USH2A: variants seen among roughly 807,000 people sequenced by gnomAD.
USH2A encodes the protein usherin, also known as Usher syndrome 2A (autosomal recessive, mild).
In USH2A, 443 loss-of-function variants were observed where a neutral mutation model predicts 538.9. The observed-to-expected ratio is 0.82, with a 90% CI of 0.76 to 0.89. USH2A has a LOEUF of 0.89. Ranked by LOEUF, USH2A falls within the 40% of genes least tolerant of loss-of-function variation. The probability of loss-of-function intolerance (pLI) is 0.00; values close to 1 mark genes in which losing one functional copy is unlikely to be tolerated. For synonymous variants in USH2A, 2,413 were observed against 2,273.5 expected (o/e 1.06, Z -1.75); for missense variants, 6,633 against 6,324.8 (o/e 1.05, Z -1.65).
At chr1:215,871,411 T>C (rs1055621892) in intron 43 of USH2A, among the ~76,000 whole-genome samples, 1 of 152,234 alleles carries the variant, frequency 6.6e-6, no homozygotes, top group African/African-American at 2.4e-5. Flanking sequence ...TTCATAGTTA[T>C]TTAAGCACTC....
intron 21 of USH2A, chr1:216,173,931 C>T (rs1306911557): frequency 7.2e-6 from 7 of 967,810 alleles, no homozygotes; most frequent in African/African-American, 1.8e-5. Flanking sequence ...TTTTCCTTAC[C>T]TTTTTTTTCT....
At chr1:215,724,838 A>G (rs1659764703) in intron 61 of USH2A, among the ~76,000 whole-genome samples, 1 of 152,152 alleles carries the variant, frequency 6.6e-6, no homozygotes, top group Non-Finnish European at 1.5e-5. Flanking sequence ...ATAGTACTCA[A>G]TGGTTATTTG....
rs146892520 is a variant in USH2A at position 215,628,839 on chromosome 1, G to C, written c.15494C>G (p.Ala5165Gly). The C allele has an allele frequency of 1.7e-4, 276 of 1,614,152 alleles. 2 individuals carry two copies. In the African/African-American group the frequency reaches 3.4e-3, roughly 20 times the overall value. ...KVLMDNSLWE[A>G]IMGHNSGLYV... ...CAGTCCACTGTTGTGGCCCATGATG[G>C]CTTCCCACAGTGAGTTGTCCATCAA... Residue 5165 changes from alanine (A) to glycine (G), a missense_variant, in exon 71 of 72, where the codon GCC becomes GGC. Ala to Gly is a moderately conservative substitution (Grantham distance 60). Coordinates refer to ENST00000307340, the MANE Select transcript of USH2A (RefSeq NM_206933.4).
chr1:215,789,947 G>A, intron 51 of USH2A, 112 bp downstream of exon 51: 2 of 984,584 alleles, frequency 2.0e-6, no homozygotes, highest in East Asian at 2.6e-5. Context: ...ATGTGAAAAT[G>A]AATAATGCAC....
intron 70 of USH2A, among the ~76,000 whole-genome samples, chr1:215,634,249 G>GATATAT (rs973777439): frequency 6.6e-6 from 1 of 152,224 alleles, no homozygotes; most frequent in Non-Finnish European, 1.5e-5. Context: ...TCCAGGCAGT[G>GATATAT]ATATTTTTTA....
intron 8 of USH2A, among the ~76,000 whole-genome samples, chr1:216,322,792 CT>C (rs1170319705): frequency 6.6e-6 from 1 of 151,864 alleles, no homozygotes; most frequent in Non-Finnish European, 1.5e-5. Flanking sequence ...TTTTGGTCTG[CT>C]TTTAAAGACA....
At chr1:216,346,047 C>T (rs1420360144) in intron 4 of USH2A, among the ~76,000 whole-genome samples, 1 of 152,022 alleles carries the variant, frequency 6.6e-6, no homozygotes, top group Non-Finnish European at 1.5e-5. Flanking sequence ...GGAATGAGTC[C>T]TTTCTGGTTT....
chr1:216,241,350 C>G (rs975833357), intron 13 of USH2A, among the ~76,000 whole-genome samples: 1 of 152,106 alleles, frequency 6.6e-6, no homozygotes, highest in Non-Finnish European at 1.5e-5. Context: ...TAAGGCAGGG[C>G]TCTTTACATT....
intron 32 of USH2A, among the ~76,000 whole-genome samples, chr1:216,032,989 A>G (rs1196421533): frequency 1.3e-5 from 2 of 152,162 alleles, no homozygotes; most frequent in Non-Finnish European, 2.9e-5. Flanking sequence ...TGATTTACAG[A>G]ACTTTGAGTT....
chr1:215,911,686 C>A (rs1665788260), intron 38 of USH2A, among the ~76,000 whole-genome samples: 1 of 152,008 alleles, frequency 6.6e-6, no homozygotes, highest in African/African-American at 2.4e-5. Flanking sequence ...GAAGATATTT[C>A]TTCAACATAC....
intron 6 of USH2A, among the ~76,000 whole-genome samples, chr1:216,324,563 TA>T (rs2037691821): frequency 3.9e-5 from 6 of 152,188 alleles, no homozygotes; most frequent in Admixed American, 3.9e-4. Flanking sequence ...TCAAGGATTT[TA>T]TAAATCAACA....
chr1:215,674,433 C>T lies in USH2A; in HGVS notation c.13478G>A (p.Arg4493His), dbSNP rs138879998. ...TGGGGTGAGAGTAAAATCACGATAG[C>T]GTGTTTCCAAGCCTGTATATACAAT... ...GTIVYTGLET[R>H]YRDFTLTPGV... The change falls in exon 63 of 72, where the codon CGC (arginine) becomes CAC (histidine). Residue 4493 changes from arginine to histidine, a missense_variant. Physicochemically the swap from Arg to His is conservative, Grantham distance 29. Coordinates refer to ENST00000307340, the MANE Select transcript of USH2A (RefSeq NM_206933.4). 632 of 1,614,112 alleles carry T rather than the reference C, an allele frequency of 3.9e-4. 5 individuals are homozygous for T. In the East Asian group the frequency reaches 0.012, roughly 30 times the overall value.
At position 216,198,515 on chromosome 1, in the gene USH2A, C is replaced by T; in HGVS notation, c.3881G>A (p.Ser1294Asn). The change falls in exon 18 of 72, where the codon AGT (serine) becomes AAT (asparagine). Residue 1294 changes from serine to asparagine, a missense_variant. Coordinates refer to ENST00000307340, the MANE Select transcript of USH2A (RefSeq NM_206933.4). ...RSTKETTSEE[S>N]RVFQSSGWLS... is the part of the protein sequence containing the mutation. Reference sequence around the variant, plus strand: ...CCAACCACTGCTCTGAAAAACTCGACTTTCCTCAGATGTGGTTTCTTTAGT... The same window carrying T: ...CCAACCACTGCTCTGAAAAACTCGATTTTCCTCAGATGTGGTTTCTTTAGT... The T allele has an allele frequency of 6.2e-7, 1 of 1,613,984 alleles. No homozygotes were observed.
chr1:215,936,775 G>A (rs1365593872), intron 37 of USH2A, among the ~76,000 whole-genome samples: 9 of 151,912 alleles, frequency 5.9e-5, no homozygotes, highest in Non-Finnish European at 1.0e-4. Context: ...AAAATTCTAA[G>A]GTTTTTCAAT....
chr1:216,103,212 T>C (rs2032636156), intron 21 of USH2A, among the ~76,000 whole-genome samples: 1 of 152,220 alleles, frequency 6.6e-6, no homozygotes, highest in Non-Finnish European at 1.5e-5. Flanking sequence ...GGCCCAGTAG[T>C]GTTCTATTTT....
At chr1:216,224,245 A>C (rs991887564) in intron 14 of USH2A, among the ~76,000 whole-genome samples, 1 of 152,196 alleles carries the variant, frequency 6.6e-6, no homozygotes. Context: ...GAGTAGTCAT[A>C]GTCACAGGTC....
intron 3 of USH2A, among the ~76,000 whole-genome samples, chr1:216,366,220 T>A (rs2038592995): frequency 6.6e-6 from 1 of 152,100 alleles, no homozygotes; most frequent in Non-Finnish European, 1.5e-5. Context: ...GAGTGAGATT[T>A]AAGGTCATGC....
At chr1:216,218,990 ATGTGTG>A (rs34454018) in intron 14 of USH2A, among the ~76,000 whole-genome samples, 113 of 150,634 alleles carry the variant, frequency 7.5e-4, no homozygotes, top group African/African-American at 2.6e-3. Flanking sequence ...CTCTCAATGT[ATGTGTG>A]TGTGTGTGTG....
chr1:216,396,496 G>T (rs1000167757), intron 3 of USH2A, among the ~76,000 whole-genome samples: 6 of 152,114 alleles, frequency 3.9e-5, no homozygotes, highest in African/African-American at 1.4e-4. Flanking sequence ...CATAATTAAA[G>T]ATGTTAATTA....
Sources: gnomAD v4.1 joint callset for allele counts (sites outside exome capture counted in the v4.1 genomes callset) on GRCh38, gnomAD v4.1.1 for gene constraint, MANE v1.5 for transcripts, NCBI Gene and HGNC (gene_info 2026-07-23, HGNC 2026-07-21) for gene names.